ITGB1: variants seen among roughly 807,000 people sequenced by gnomAD.
ITGB1 encodes integrin subunit beta 1.
A neutral mutation model predicts 86.5 loss-of-function variants in ITGB1; 24 were observed. The ratio of observed to expected loss-of-function variants is 0.28; its 90% CI spans 0.20 to 0.39. The LOEUF is 0.39. Ranked by LOEUF, ITGB1 falls within the 10% of genes least tolerant of loss-of-function variation. The pLI, the probability that ITGB1 is intolerant of heterozygous loss-of-function variation, is 1.00. For missense variants in ITGB1, 556 were observed against 946.9 expected (o/e 0.59, Z 5.42); for synonymous variants, 323 against 316.8 (o/e 1.02, Z -0.21).
In ITGB1 at chr10:32,920,290, T is replaced by C. The variant is rs753738150; in HGVS notation, c.1224A>G (p.Thr408=). 5 of 1,613,560 alleles carry C rather than the reference T, an allele frequency of 3.1e-6. No individual in the cohort carries two copies. Among genetic ancestry groups the C allele is most frequent in the Admixed American group, 1.7e-5 (1 of 59,982 alleles). Residue 408 remains threonine, a synonymous_variant, in exon 10 of 16, where the codon ACA becomes ACG. Coordinates refer to ENST00000302278, the MANE Select transcript of ITGB1 (RefSeq NM_002211.4). ...KSYCKNGVNG[T]GENGRKCSNI... ...TGGAACATTTTCTTCCATTTTCCCCTGTTCCATTCACCCCGTTCTTGCAGT... is the reference window on the plus strand; with the variant it reads ...TGGAACATTTTCTTCCATTTTCCCCCGTTCCATTCACCCCGTTCTTGCAGT...
At chr10:32,917,885 A>G (rs1465793905) in intron 11 of ITGB1, among the ~76,000 whole-genome samples, 1 of 152,214 alleles carries the variant, frequency 6.6e-6, no homozygotes, top group African/African-American at 2.4e-5. Flanking sequence ...CTATAAAGAC[A>G]CGTGCACACG....
In ITGB1 at chr10:32,930,155, G is replaced by A. The variant is rs1029862747; in HGVS notation, c.154-111C>T. The A allele has an allele frequency of 9.4e-6, 6 of 639,200 alleles. No homozygotes were observed. In the African/African-American group the frequency reaches 1.1e-4, roughly 12 times the overall value. 39.6% of individuals were successfully genotyped at this position (639,200 alleles called of 1,614,324 possible). ...TGCAAAACATCAAATCACATCTAATGTACCCCAATTCTGGCTTTTAAACAA... is the reference window on the plus strand; with the variant it reads ...TGCAAAACATCAAATCACATCTAATATACCCCAATTCTGGCTTTTAAACAA... On this transcript the variant is annotated intron_variant, in intron 3 of 15. Coordinates refer to ENST00000302278, the MANE Select transcript of ITGB1 (RefSeq NM_002211.4).
chr10:32,931,795 T>C (rs2094984232), intron 3 of ITGB1, among the ~76,000 whole-genome samples: 1 of 152,168 alleles, frequency 6.6e-6, no homozygotes, highest in Non-Finnish European at 1.5e-5. Context: ...ATATTAGTTA[T>C]TCATTCTGTG....
Position 32,908,503 on chromosome 10 carries a change from A to G in ITGB1, c.2196T>C (p.Ile732=). ...CAATTCCAGCAACCACACCAGCTACAATTGGAATGATGTCTGGACCAGTGG... is the reference window on the plus strand; with the variant it reads ...CAATTCCAGCAACCACACCAGCTACGATTGGAATGATGTCTGGACCAGTGG... ...ECPTGPDIIP[I]VAGVVAGIVL... The change falls in exon 15 of 16, where the codon ATT becomes ATC. Residue 732 remains isoleucine (I), a synonymous_variant. Coordinates refer to ENST00000302278, the MANE Select transcript of ITGB1 (RefSeq NM_002211.4). 1 of 1,613,874 alleles carries G rather than the reference A, an allele frequency of 6.2e-7. No homozygotes were observed. Among genetic ancestry groups the G allele is most frequent in the Non-Finnish European group, 8.5e-7 (1 of 1,179,852 alleles).
At chr10:32,913,050 G>T (rs1225955144) in intron 11 of ITGB1, among the ~76,000 whole-genome samples, 1 of 152,148 alleles carries the variant, frequency 6.6e-6, no homozygotes, top group Admixed American at 6.5e-5. Flanking sequence ...AGGCAAACAG[G>T]GTCTGGAGTG....
At chr10:32,928,895 G>A (rs1479680969) in intron 4 of ITGB1, among the ~76,000 whole-genome samples, 2 of 152,010 alleles carry the variant, frequency 1.3e-5, no homozygotes, top group Non-Finnish European at 2.9e-5. Flanking sequence ...ATACAGGAGA[G>A]AGGTTTGGAT....
At chr10:32,906,150 A>C (rs1313661594) in intron 15 of ITGB1, among the ~76,000 whole-genome samples, 1 of 152,168 alleles carries the variant, frequency 6.6e-6, no homozygotes, top group African/African-American at 2.4e-5. Context: ...AATTGATCTC[A>C]AATCTTTTGA....
intron 8 of ITGB1, 85 bp downstream of exon 8, chr10:32,922,554 AT>A: frequency 3.4e-6 from 3 of 888,686 alleles, no homozygotes; most frequent in Non-Finnish European, 5.3e-6. Context: ...ATCTGGTGGC[AT>A]TTTCCCACAT....
Position 32,922,847 on chromosome 10 carries a change from TTTAGA to T in ITGB1, c.943-117_943-113del, listed in dbSNP as rs1317422671. 13 of 602,488 alleles carry T rather than the reference TTTAGA, an allele frequency of 2.2e-5. No individual in the cohort carries two copies. The African/African-American group carries it at 2.5e-4, about 11-fold the overall frequency. 37.3% of individuals were successfully genotyped at this position (602,488 alleles called of 1,614,324 possible). A position where few individuals can be genotyped will look rare whatever the true frequency, so the allele number is the denominator to read the frequency against. ...ACACATAACTCGATTACAAGACTGC[TTTAGA>T]TAACTAGATTACATATATAATCCAT... On this transcript the variant is annotated intron_variant, in intron 7 of 15. Transcript: ENST00000302278.
intron 15 of ITGB1, among the ~76,000 whole-genome samples, chr10:32,906,214 A>G (rs2094895999): frequency 6.6e-6 from 1 of 152,168 alleles, no homozygotes; most frequent in African/African-American, 2.4e-5. Flanking sequence ...AGTAGGTTAT[A>G]TTTTTCTATT....
chr10:32,956,570 C>A (rs1018450108), intron 1 of ITGB1, among the ~76,000 whole-genome samples: 9 of 151,776 alleles, frequency 5.9e-5, no homozygotes, highest in African/African-American at 2.2e-4. Context: ...TAGCCGGGCA[C>A]GGTGGCAGGC....
chr10:32,953,997 C>G (rs977517151), intron 1 of ITGB1, among the ~76,000 whole-genome samples: 3 of 152,254 alleles, frequency 2.0e-5, no homozygotes, highest in East Asian at 1.9e-4. Context: ...TCCTCCACCC[C>G]CCCTTGACTA....
At position 32,911,626 on chromosome 10, in the gene ITGB1, A is replaced by G; in HGVS notation, c.1753T>C (p.Tyr585His). The G allele has an allele frequency of 1.2e-6, 2 of 1,614,186 alleles. No individual in the cohort carries two copies. The highest frequency in any genetic ancestry group is 1.7e-6 in the Non-Finnish European group (2 of 1,180,026). The change falls in exon 13 of 16, where the codon TAC becomes CAC. Residue 585 changes from tyrosine (Y) to histidine (H), a missense_variant. This residue lies in a region of ITGB1 where 330 missense variants were observed against 531.5 expected (regional missense o/e 0.62). Coordinates refer to ENST00000302278, the MANE Select transcript of ITGB1 (RefSeq NM_002211.4). The part of the protein sequence containing the change: ...KCRVCECNPN[Y>H]TGSACDCSLD... ...GAACAGTCACATGCACTGCCAGTGT[A>G]GTTGGGGTTGCACTCACACACACGA...
At chr10:32,944,580 T>C in intron 1 of ITGB1, 1 of 517,432 alleles carries the variant, frequency 1.9e-6, no homozygotes, top group Non-Finnish European at 3.8e-6. Flanking sequence ...AGGAAACTCA[T>C]CCGAGATGAT....
chr10:32,903,599 C>T (rs1315669597), intron 15 of ITGB1, among the ~76,000 whole-genome samples: 1 of 152,054 alleles, frequency 6.6e-6, no homozygotes, highest in African/African-American at 2.4e-5. Context: ...AGACAACATA[C>T]CTCAGCCCTC....
At chr10:32,952,956 T>C (rs200737755) in intron 1 of ITGB1, among the ~76,000 whole-genome samples, 3 of 152,216 alleles carry the variant, frequency 2.0e-5, no homozygotes, top group South Asian at 2.1e-4. Flanking sequence ...CAGGCTAGTA[T>C]TGGAGGGCAA....
rs35559257 is a variant in ITGB1 at position 32,903,351 on chromosome 10, CAAAAAAAAAAAA to C, written c.2332-1728_2332-1717del. 8.8e-4 allele frequency among the ~76,000 whole-genome samples: 50 copies of C among 57,032 alleles called. 1 individual carries two copies. Among genetic ancestry groups the C allele is most frequent in the African/African-American group, 3.1e-3 (46 of 14,800 alleles). 37.4% of individuals were successfully genotyped at this position (57,032 alleles called of 152,430 possible). ...TGGGCGAAAGAGCAAGACTCCATCT[CAAAAAAAAAAAA>C]AAAAAAAAAAGAGGAAAAAAAAGAA... On this transcript the variant is annotated intron_variant, in intron 15 of 15. Coordinates refer to ENST00000302278, the MANE Select transcript of ITGB1 (RefSeq NM_002211.4).
chr10:32,934,702 G>A (rs758468706), intron 2 of ITGB1, among the ~76,000 whole-genome samples: 4 of 151,926 alleles, frequency 2.6e-5, no homozygotes, highest in Non-Finnish European at 5.9e-5. Context: ...TTATAATTTT[G>A]TTATGTCTTT....
intron 3 of ITGB1, among the ~76,000 whole-genome samples, chr10:32,930,645 T>A (rs1007078017): frequency 6.6e-6 from 1 of 152,124 alleles, no homozygotes; most frequent in Non-Finnish European, 1.5e-5. Flanking sequence ...TAAAAAACTT[T>A]TAAAAAGCAA....
Sources: allele counts gnomAD v4.1 joint callset (sites outside exome capture counted in the v4.1 genomes callset), GRCh38; gene constraint gnomAD v4.1.1; regional missense constraint gnomAD v4.1.1; transcripts MANE v1.5; gene names NCBI Gene and HGNC (gene_info 2026-07-23, HGNC 2026-07-21).